Variants in DPP10 observed in about 807,000 individuals in gnomAD.
DPP10 encodes inactive dipeptidyl peptidase 10.
DPP10 carries 33 observed loss-of-function variants against 120.9 expected under a neutral mutation model. The observed-to-expected ratio is 0.27, with a 90% CI of 0.21 to 0.37. The LOEUF (loss-of-function observed/expected upper bound fraction) is 0.37, where lower values mean the gene tolerates loss of function less well. Among genes scored for constraint, DPP10 ranks in the 10% least tolerant of loss-of-function variants. The probability of loss-of-function intolerance (pLI) is 1.00; values close to 1 mark genes in which losing one functional copy is unlikely to be tolerated. For synonymous variants in DPP10, 337 were observed against 326.1 expected (o/e 1.03, Z -0.36); for missense variants, 816 against 942.8 (o/e 0.87, Z 1.76).
intron 1 of DPP10, among the ~76,000 whole-genome samples, chr2:114,468,647 C>T (rs951887682): frequency 6.6e-6 from 1 of 152,008 alleles, no homozygotes; most frequent in African/African-American, 2.4e-5. Flanking sequence ...GAAAATAGAA[C>T]TCTTGTAATT....
intron 1 of DPP10, among the ~76,000 whole-genome samples, chr2:115,082,354 A>G (rs142651175): frequency 6.6e-6 from 1 of 152,290 alleles, no homozygotes; most frequent in Non-Finnish European, 1.5e-5. Context: ...CCAAACTGGT[A>G]CAAAGTCTGT....
chr2:115,245,949 A>G (rs1391051287), intron 1 of DPP10, among the ~76,000 whole-genome samples: 1 of 152,068 alleles, frequency 6.6e-6, no homozygotes, highest in Non-Finnish European at 1.5e-5. Flanking sequence ...TTGACTTTTG[A>G]GCTGATGTTA....
intron 1 of DPP10, among the ~76,000 whole-genome samples, chr2:114,512,388 A>G (rs1418685662): frequency 1.3e-5 from 2 of 152,128 alleles, no homozygotes; most frequent in Non-Finnish European, 2.9e-5. Flanking sequence ...TATTGATTTC[A>G]TGGACGTTCA....
At chr2:114,688,416 G>T (rs2105752742) in intron 1 of DPP10, among the ~76,000 whole-genome samples, 1 of 152,004 alleles carries the variant, frequency 6.6e-6, no homozygotes, top group South Asian at 2.1e-4. Flanking sequence ...AGTGACTCAG[G>T]CAGTGGTGAT....
At chr2:114,970,802 A>G (rs1378419393) in intron 1 of DPP10, among the ~76,000 whole-genome samples, 2 of 152,162 alleles carry the variant, frequency 1.3e-5, no homozygotes, top group East Asian at 1.9e-4. Context: ...TGAATCCCCA[A>G]TGCTCAAGTG....
At chr2:115,634,493 G>A (rs543246226) in intron 5 of DPP10, among the ~76,000 whole-genome samples, 8 of 152,104 alleles carry the variant, frequency 5.3e-5, no homozygotes, top group African/African-American at 1.9e-4. Flanking sequence ...GTTTGCTTGG[G>A]GTCCACTCCA....
chr2:115,141,936 C>T (rs951736128), intron 1 of DPP10, among the ~76,000 whole-genome samples: 10 of 151,908 alleles, frequency 6.6e-5, no homozygotes, highest in Non-Finnish European at 1.0e-4. Flanking sequence ...ACTATGCCTG[C>T]CTAATTTTTG....
chr2:115,381,688 C>G (rs538973775), intron 3 of DPP10, among the ~76,000 whole-genome samples: 62 of 152,282 alleles, frequency 4.1e-4, no homozygotes, highest in African/African-American at 1.5e-3. Flanking sequence ...GTGGTTTTAT[C>G]TACTTTTGGT....
intron 1 of DPP10, among the ~76,000 whole-genome samples, chr2:114,815,768 G>T (rs1685591972): frequency 6.6e-6 from 1 of 151,984 alleles, no homozygotes; most frequent in Non-Finnish European, 1.5e-5. Context: ...ACTGTCAATT[G>T]GGAGTCAAAT....
At chr2:114,643,879 G>T (rs1333194284) in intron 1 of DPP10, among the ~76,000 whole-genome samples, 1 of 149,186 alleles carries the variant, frequency 6.7e-6, no homozygotes, top group African/African-American at 2.5e-5. Context: ...GTGTGTGTGT[G>T]TATGTGTGTG....
At chr2:114,699,691 A>G (rs939680675) in intron 1 of DPP10, among the ~76,000 whole-genome samples, 2 of 152,112 alleles carry the variant, frequency 1.3e-5, no homozygotes, top group Non-Finnish European at 2.9e-5. Flanking sequence ...GAACCAGCTG[A>G]GTAAATGTGG....
chr2:114,598,314 T>A (rs1692091850), intron 1 of DPP10, among the ~76,000 whole-genome samples: 1 of 151,860 alleles, frequency 6.6e-6, no homozygotes, highest in Admixed American at 6.6e-5. Context: ...TTGAGAAATG[T>A]AATGATCAAA....
At chr2:115,530,996 A>G (rs1263156892) in intron 5 of DPP10, among the ~76,000 whole-genome samples, 3 of 152,156 alleles carry the variant, frequency 2.0e-5, no homozygotes, top group Non-Finnish European at 4.4e-5. Flanking sequence ...ACAGCTAATT[A>G]TTTAAACTGC....
rs150880484 is a variant in DPP10 at position 114,536,101 on chromosome 2, T to G, written c.60+93263T>G. 5.5e-3 allele frequency among the ~76,000 whole-genome samples: 836 copies of G among 152,228 alleles called. 13 individuals carry two copies. Among genetic ancestry groups the G allele is most frequent in the African/African-American group, 0.02 (817 of 41,538 alleles). On this transcript the variant is annotated intron_variant, in intron 1 of 25. Transcript: ENST00000410059. ...GGGCTCAGAGCCCCTTCTTTACCCA[T>G]GGAGAGTCCTCTGCATTGGTGCATC...
At chr2:115,207,412 G>C (rs2056209016) in intron 1 of DPP10, among the ~76,000 whole-genome samples, 1 of 68,874 alleles carries the variant, frequency 1.5e-5, no homozygotes, top group African/African-American at 7.4e-5. Context: ...AGTGCTTACT[G>C]CACCAAAAAA....
At chr2:114,836,927 C>T (rs1188209039) in intron 1 of DPP10, among the ~76,000 whole-genome samples, 1 of 152,162 alleles carries the variant, frequency 6.6e-6, no homozygotes, top group African/African-American at 2.4e-5. Flanking sequence ...TGGCTCTGTT[C>T]CACCCGGTCA....
intron 3 of DPP10, among the ~76,000 whole-genome samples, chr2:115,361,152 T>A (rs1447868688): frequency 6.6e-6 from 1 of 151,928 alleles, no homozygotes; most frequent in Non-Finnish European, 1.5e-5. Context: ...CAGAGCATGG[T>A]ATACCCAGCT....
intron 1 of DPP10, among the ~76,000 whole-genome samples, chr2:114,849,898 C>A (rs1442947394): frequency 6.6e-6 from 1 of 151,954 alleles, no homozygotes; most frequent in African/African-American, 2.4e-5. Context: ...AGAGAGTCAG[C>A]TGCTTTATCC....
At chr2:114,892,053 C>A (rs1469257029) in intron 1 of DPP10, among the ~76,000 whole-genome samples, 3 of 152,290 alleles carry the variant, frequency 2.0e-5, no homozygotes, top group Admixed American at 6.5e-5. Flanking sequence ...CCCTTACCCC[C>A]ACCATGTCTC....
Sources: allele counts gnomAD v4.1 joint callset (sites outside exome capture counted in the v4.1 genomes callset), GRCh38; gene constraint gnomAD v4.1.1; transcripts MANE v1.5; gene names NCBI Gene and HGNC (gene_info 2026-07-23, HGNC 2026-07-21).